The following GAS2L3 variants were observed in gnomAD, a reference collection of about 807,000 sequenced individuals.
GAS2L3 encodes growth arrest specific 2 like 3.
In GAS2L3, 28 loss-of-function variants were observed where a neutral mutation model predicts 37.0. The ratio of observed to expected loss-of-function variants is 0.76; its 90% CI spans 0.56 to 1.04. GAS2L3 has a LOEUF of 1.04. Among genes scored for constraint, GAS2L3 ranks in the 50% least tolerant of loss-of-function variants. The pLI, the probability that GAS2L3 is intolerant of heterozygous loss-of-function variation, is 0.00. For synonymous variants in GAS2L3, 290 were observed against 296.6 expected (o/e 0.98, Z 0.23); for missense variants, 793 against 817.6 (o/e 0.97, Z 0.37).
chr12:100,594,717 GAT>G (rs1955888611), intron 2 of GAS2L3, 156 bp from the exon 3 acceptor site: 1 of 346,924 alleles, frequency 2.9e-6, no homozygotes, highest in Non-Finnish European at 5.5e-6. Flanking sequence ...AAAAAGGAGT[GAT>G]ATGAATTTTC....
At chr12:100,618,695 T>C (rs1956218155) in intron 8 of GAS2L3, 108 bp downstream of exon 8, 4 of 981,186 alleles carry the variant, frequency 4.1e-6, no homozygotes, top group Non-Finnish European at 6.0e-6. Context: ...AAGTGTTTCT[T>C]ATTCAGAATA....
At chr12:100,605,189 A>G (rs1956041558) in intron 5 of GAS2L3, among the ~76,000 whole-genome samples, 1 of 152,104 alleles carries the variant, frequency 6.6e-6, no homozygotes, top group Admixed American at 6.5e-5. Flanking sequence ...AATGTTTGGT[A>G]GAATTCAGCA....
intron 2 of GAS2L3, 62 bp from the exon 3 acceptor site, chr12:100,594,813 G>C: frequency 1.9e-6 from 1 of 520,090 alleles, no homozygotes; most frequent in African/African-American, 2.0e-5. Context: ...TAATTTGGGG[G>C]TTTGGGGGAG....
At chr12:100,616,260 C>A (rs142084487) in intron 6 of GAS2L3, among the ~76,000 whole-genome samples, 3 of 152,056 alleles carry the variant, frequency 2.0e-5, no homozygotes, top group African/African-American at 7.2e-5. Flanking sequence ...TAATTATTTT[C>A]GTTTCATTTT....
chr12:100,606,532 G>A (rs147804951), intron 5 of GAS2L3, among the ~76,000 whole-genome samples: 10 of 151,678 alleles, frequency 6.6e-5, no homozygotes, highest in African/African-American at 1.2e-4. Context: ...CTGCCATTTT[G>A]TTGTTTTCTG....
At chr12:100,577,776 C>A (rs554129872) in intron 1 of GAS2L3, among the ~76,000 whole-genome samples, 1 of 152,166 alleles carries the variant, frequency 6.6e-6, no homozygotes, top group East Asian at 1.9e-4. Context: ...TCAGGGAAGA[C>A]TTTGGAGGAA....
intron 5 of GAS2L3, among the ~76,000 whole-genome samples, chr12:100,603,281 T>G (rs1223300460): frequency 6.6e-6 from 1 of 152,190 alleles, no homozygotes; most frequent in Non-Finnish European, 1.5e-5. Flanking sequence ...GGTTCCCTTT[T>G]CTCCACATCT....
Position 100,627,311 on chromosome 12 carries a change from G to A in GAS2L3, c.*2421G>A, listed in dbSNP as rs961737723. 1.3e-5 allele frequency among the ~76,000 whole-genome samples: 2 copies of A among 151,094 alleles called. No individual in the cohort carries two copies. Among genetic ancestry groups the A allele is most frequent in the African/African-American group, 4.9e-5 (2 of 41,076 alleles). ...TTTTTTGAGACGGAGTTTCACTCTT[G>A]TTGCCCAGACTGGAGTGCAGTGGCA... On this transcript the variant is annotated 3_prime_UTR_variant, in exon 10 of 10. Transcript: ENST00000547754.
chr12:100,599,663 T>TATTC (rs1955959705), intron 3 of GAS2L3, among the ~76,000 whole-genome samples: 1 of 108,862 alleles, frequency 9.2e-6, no homozygotes, highest in South Asian at 3.7e-4. Flanking sequence ...TTCATTCATT[T>TATTC]ATTCATTCAT....
intron 8 of GAS2L3, among the ~76,000 whole-genome samples, chr12:100,620,223 A>G (rs1261401982): frequency 6.6e-6 from 1 of 152,058 alleles, no homozygotes. Flanking sequence ...ATTAGGATTC[A>G]TAATCTTAAC....
rs1291786962 is a variant in GAS2L3 at position 100,628,278 on chromosome 12, A to G, written c.*3388A>G. On this transcript the variant is annotated 3_prime_UTR_variant, in exon 10 of 10. Coordinates refer to ENST00000547754, the MANE Select transcript of GAS2L3 (RefSeq NM_174942.3). ...TTTGTTTTCTTGAGTATTAAAATTT[A>G]AACATATATACCAAGGTCTCAGTTT... 2 of 152,196 alleles carry G rather than the reference A, an allele frequency of 1.3e-5. No homozygotes were observed. The highest frequency in any genetic ancestry group is 2.1e-4 in the South Asian group (1 of 4,830). The allele number at this position is 152,196 out of a possible 1,614,324, so 9.4% of individuals were successfully genotyped here.
chr12:100,623,419 C>A (rs1593192390), intron 9 of GAS2L3, 143 bp from the exon 10 acceptor site: 1 of 584,862 alleles, frequency 1.7e-6, no homozygotes, highest in Non-Finnish European at 2.9e-6. Flanking sequence ...ATACAAGAAA[C>A]AAACTGTCAA....
chr12:100,583,843 A>G (rs1231077588), intron 1 of GAS2L3, among the ~76,000 whole-genome samples: 1 of 152,166 alleles, frequency 6.6e-6, no homozygotes, highest in Non-Finnish European at 1.5e-5. Flanking sequence ...GACCGTAATC[A>G]CTGTACATAT....
chr12:100,578,999 G>T, intron 1 of GAS2L3: 2 of 855,750 alleles, frequency 2.3e-6, no homozygotes, highest in South Asian at 1.4e-5. Context: ...CCTCACTAAT[G>T]ACCTCAAAGT....
At chr12:100,589,321 C>T (rs1349547110) in intron 1 of GAS2L3, among the ~76,000 whole-genome samples, 1 of 146,648 alleles carries the variant, frequency 6.8e-6, no homozygotes, top group Admixed American at 7.2e-5. Flanking sequence ...AAGAACTCAA[C>T]CCCTTTTATA....
intron 1 of GAS2L3, among the ~76,000 whole-genome samples, chr12:100,576,704 A>G (rs1001748267): frequency 6.6e-6 from 1 of 152,184 alleles, no homozygotes; most frequent in Non-Finnish European, 1.5e-5. Context: ...TGTTTCTCCT[A>G]AAAACTCAGA....
At position 100,625,564 on chromosome 12, in the gene GAS2L3, C is replaced by T. The variant is rs908163840; in HGVS notation, c.*674C>T. 3 of 151,534 alleles carry T rather than the reference C, an allele frequency of 2.0e-5. No homozygotes were observed. Among genetic ancestry groups the T allele is most frequent in the Non-Finnish European group, 4.4e-5 (3 of 67,916 alleles). The allele number at this position is 151,534 out of a possible 1,614,324, so 9.4% of individuals were successfully genotyped here. A position where few individuals can be genotyped will look rare whatever the true frequency, so the allele number is the denominator to read the frequency against. ...CCAATATTTTTGGTTAAAAAAAATC[C>T]AACAAATTAACTTACTGAAATATAA... On this transcript the variant is annotated 3_prime_UTR_variant, in exon 10 of 10. Coordinates refer to ENST00000547754, the MANE Select transcript of GAS2L3 (RefSeq NM_174942.3).
intron 2 of GAS2L3, 162 bp from the exon 3 acceptor site, chr12:100,594,713 G>A: frequency 2.9e-6 from 1 of 341,544 alleles, no homozygotes; most frequent in East Asian, 4.4e-5. Flanking sequence ...AAGTAAAAAG[G>A]AGTGATATGA....
intron 1 of GAS2L3, among the ~76,000 whole-genome samples, chr12:100,590,733 A>G (rs1459285585): frequency 6.6e-6 from 1 of 152,208 alleles, no homozygotes; most frequent in East Asian, 1.9e-4. Flanking sequence ...ATAATATATG[A>G]TGGAATATTA....
Sources: allele counts gnomAD v4.1 joint callset (sites outside exome capture counted in the v4.1 genomes callset), GRCh38; gene constraint gnomAD v4.1.1; transcripts MANE v1.5; gene names NCBI Gene and HGNC (gene_info 2026-07-23, HGNC 2026-07-21).